FLT1: variants seen among roughly 807,000 people sequenced by gnomAD.
FLT1 encodes vascular endothelial growth factor receptor 1.
In FLT1, 49 loss-of-function variants were observed where a neutral mutation model predicts 156.3. That is an observed-to-expected ratio of 0.31 (90% CI 0.25 to 0.40). The LOEUF (loss-of-function observed/expected upper bound fraction) is 0.40. FLT1 is among the 10% of genes least tolerant of loss of function. FLT1 has a pLI of 1.00. For synonymous variants in FLT1, 594 were observed against 583.8 expected (o/e 1.02, Z -0.25); for missense variants, 1,322 against 1,637.2 (o/e 0.81, Z 3.32).
At chr13:28,458,915 A>G (rs1879413269) in intron 3 of FLT1, among the ~76,000 whole-genome samples, 1 of 152,156 alleles carries the variant, frequency 6.6e-6, no homozygotes. Flanking sequence ...AGAGGGGTCT[A>G]TTTCCCAAGA....
At chr13:28,487,916 C>T (rs950835398) in intron 1 of FLT1, among the ~76,000 whole-genome samples, 25 of 151,806 alleles carry the variant, frequency 1.6e-4, no homozygotes, top group African/African-American at 5.8e-4. Flanking sequence ...AGACCACAAC[C>T]TCTGTTTACT....
At chr13:28,396,694 G>A in intron 12 of FLT1, 2 of 566,298 alleles carry the variant, frequency 3.5e-6, no homozygotes, top group Non-Finnish European at 6.4e-6. Flanking sequence ...ATGAAAAAAT[G>A]AGCATACAAG....
intron 15 of FLT1, among the ~76,000 whole-genome samples, chr13:28,351,031 T>C (rs1453753526): frequency 6.6e-6 from 1 of 151,966 alleles, no homozygotes; most frequent in East Asian, 1.9e-4. Flanking sequence ...TTTTTTTCCT[T>C]ATCACTTTTT....
intron 14 of FLT1, 46 bp downstream of exon 14, chr13:28,384,839 G>T: frequency 6.3e-7 from 1 of 1,578,304 alleles, no homozygotes; most frequent in South Asian, 1.1e-5. Context: ...AAGGGGGGCT[G>T]ATGAAAGATG....
At position 28,301,454 on chromosome 13, in the gene FLT1, G is replaced by A. The variant is rs1349656665; in HGVS notation, c.*1713C>T. The A allele has an allele frequency of 4.3e-6, 1 of 233,000 alleles. No homozygotes were observed. The highest frequency in any genetic ancestry group is 8.5e-6 in the Non-Finnish European group (1 of 117,902). 14.4% of individuals were successfully genotyped at this position (233,000 alleles called of 1,614,324 possible). ...GCTCACTAGGGAATGTGCTGATGAC[G>A]GTCCCATCTCTTCATACAGAGAGCC... On this transcript the variant is annotated 3_prime_UTR_variant, in exon 30 of 30. Coordinates refer to ENST00000282397, the MANE Select transcript of FLT1 (RefSeq NM_002019.4).
At chr13:28,432,323 C>T (rs972137437) in intron 6 of FLT1, among the ~76,000 whole-genome samples, 4 of 152,174 alleles carry the variant, frequency 2.6e-5, no homozygotes, top group Admixed American at 2.0e-4. Flanking sequence ...TTGGAACAGA[C>T]AGACACATGT....
intron 29 of FLT1, among the ~76,000 whole-genome samples, chr13:28,304,482 A>G (rs968676580): frequency 4.0e-4 from 61 of 151,478 alleles, no homozygotes; most frequent in African/African-American, 1.5e-3. Flanking sequence ...TTCAAAAACT[A>G]TAACCCATAT....
At chr13:28,357,347 C>G (rs939884857) in intron 15 of FLT1, among the ~76,000 whole-genome samples, 9 of 152,134 alleles carry the variant, frequency 5.9e-5, no homozygotes, top group African/African-American at 2.2e-4. Flanking sequence ...TTTGGGCTCT[C>G]GAGGATGGCC....
chr13:28,375,171 C>T (rs1207173299), intron 14 of FLT1, among the ~76,000 whole-genome samples: 4 of 152,194 alleles, frequency 2.6e-5, no homozygotes, highest in Non-Finnish European at 5.9e-5. Context: ...TCACCTGAAT[C>T]TTGCCAATAA....
intron 3 of FLT1, among the ~76,000 whole-genome samples, chr13:28,465,734 G>T (rs619031): frequency 0.22 from 33,415 of 151,964 alleles, 4,645 homozygotes; most frequent in African/African-American, 0.38. Flanking sequence ...TCCTAGCTAC[G>T]CAGGAGGCTG....
intron 14 of FLT1, among the ~76,000 whole-genome samples, chr13:28,384,440 C>A (rs1408553654): frequency 1.5e-5 from 2 of 134,414 alleles, no homozygotes; most frequent in African/African-American, 5.8e-5. Context: ...CAGAGTGAGA[C>A]TCCATCTCAA....
chr13:28,426,259 C>G (rs1877336473), intron 10 of FLT1, among the ~76,000 whole-genome samples: 1 of 151,772 alleles, frequency 6.6e-6, no homozygotes, highest in Non-Finnish European at 1.5e-5. Context: ...ATTGTTGCAC[C>G]TATCAAGTCT....
At chr13:28,397,334 G>A (rs1027772451) in intron 11 of FLT1, among the ~76,000 whole-genome samples, 4 of 152,112 alleles carry the variant, frequency 2.6e-5, no homozygotes, top group African/African-American at 4.8e-5. Flanking sequence ...TGCTGCTGGC[G>A]TAACAATTAC....
intron 18 of FLT1, among the ~76,000 whole-genome samples, chr13:28,331,856 A>T (rs1348326441): frequency 1.0e-5 from 1 of 96,598 alleles, no homozygotes; most frequent in Non-Finnish European, 2.2e-5. Context: ...GCTGATGGCT[A>T]AAAAAAAAAA....
Position 28,301,227 on chromosome 13 carries a change from C to T in FLT1, c.*1940G>A, listed in dbSNP as rs1566274250. 1 of 231,916 alleles carries T rather than the reference C, an allele frequency of 4.3e-6. No homozygotes were observed. Among genetic ancestry groups the T allele is most frequent in the Non-Finnish European group, 8.5e-6 (1 of 117,734 alleles). The allele number at this position is 231,916 out of a possible 1,614,324, so 14.4% of individuals were successfully genotyped here. On this transcript the variant is annotated 3_prime_UTR_variant, in exon 30 of 30. Coordinates refer to ENST00000282397, the MANE Select transcript of FLT1 (RefSeq NM_002019.4). Reference sequence around the variant, plus strand: ...AGGTCTTCTTTTTTCTGTGTTTAACCTCCTTCCAGTTACCTGATTTATAAA... The same window carrying T: ...AGGTCTTCTTTTTTCTGTGTTTAACTTCCTTCCAGTTACCTGATTTATAAA...
At chr13:28,375,839 T>C (rs1468526506) in intron 14 of FLT1, among the ~76,000 whole-genome samples, 5 of 152,266 alleles carry the variant, frequency 3.3e-5, no homozygotes. Context: ...TTCACATTTC[T>C]TTTCTGCAAT....
At chr13:28,448,676 G>A (rs1430370639) in intron 3 of FLT1, among the ~76,000 whole-genome samples, 2 of 152,202 alleles carry the variant, frequency 1.3e-5, no homozygotes, top group Non-Finnish European at 2.9e-5. Context: ...TGACCGTGAT[G>A]ATGATGGTTG....
chr13:28,325,238 G>A (rs574295718), intron 20 of FLT1, among the ~76,000 whole-genome samples: 2 of 152,156 alleles, frequency 1.3e-5, no homozygotes, highest in Non-Finnish European at 2.9e-5. Context: ...TGCTGGCTTA[G>A]CTCTTCCTGA....
At chr13:28,360,310 T>C (rs1040774800) in intron 14 of FLT1, among the ~76,000 whole-genome samples, 2 of 152,184 alleles carry the variant, frequency 1.3e-5, no homozygotes. Flanking sequence ...AAAACTGCTA[T>C]ATGATCTAGC....
Sources: allele counts gnomAD v4.1 joint callset (sites outside exome capture counted in the v4.1 genomes callset), GRCh38; gene constraint gnomAD v4.1.1; transcripts MANE v1.5; gene names NCBI Gene and HGNC (gene_info 2026-07-23, HGNC 2026-07-21).